Variants in DSCAM observed in about 807,000 individuals in gnomAD.
DSCAM encodes DS cell adhesion molecule.
In DSCAM, 47 loss-of-function variants were observed where a neutral mutation model predicts 217.7. The observed-to-expected ratio is 0.22, with a 90% confidence interval of 0.17 to 0.28. DSCAM has a LOEUF of 0.28. Ranked by LOEUF, DSCAM falls within the 10% of genes least tolerant of loss-of-function variation. The pLI is 1.00. For synonymous variants in DSCAM, 1,056 were observed against 1,015.3 expected, an observed-to-expected ratio of 1.04 and a Z score of -0.76; for missense variants, 2,080 against 2,618.3, an observed-to-expected ratio of 0.79 and a Z score of 4.49.
intron 1 of DSCAM, among the ~76,000 whole-genome samples, chr21:40,835,181 T>A (rs2092046832): frequency 6.6e-6 from 1 of 152,238 alleles, no homozygotes; most frequent in Admixed American, 6.5e-5. Flanking sequence ...CATTTACAAT[T>A]ACTCATGAGT....
intron 3 of DSCAM, among the ~76,000 whole-genome samples, chr21:40,412,126 G>A (rs2075328848): frequency 6.6e-6 from 1 of 152,148 alleles, no homozygotes; most frequent in African/African-American, 2.4e-5. Context: ...ATGATTTTGA[G>A]GCTCCCCCAG....
chr21:40,413,652 A>T (rs935996084), intron 3 of DSCAM, among the ~76,000 whole-genome samples: 1 of 152,246 alleles, frequency 6.6e-6, no homozygotes, highest in Non-Finnish European at 1.5e-5. Context: ...AGGATGACTG[A>T]AACAACTTTG....
intron 1 of DSCAM, among the ~76,000 whole-genome samples, chr21:40,768,801 G>C (rs1160079858): frequency 1.3e-5 from 2 of 152,204 alleles, no homozygotes; most frequent in African/African-American, 4.8e-5. Context: ...AAAGCCAGTA[G>C]TTACTGAGAA....
chr21:40,479,818 C>G, intron 3 of DSCAM, among the ~76,000 whole-genome samples: 1 of 151,908 alleles, frequency 6.6e-6, no homozygotes, highest in East Asian at 1.9e-4. Flanking sequence ...AATCTGTCAG[C>G]AGTAAAAATG....
chr21:40,185,113 T>C (rs2090879290), intron 14 of DSCAM, among the ~76,000 whole-genome samples: 1 of 152,126 alleles, frequency 6.6e-6, no homozygotes, highest in Non-Finnish European at 1.5e-5. Flanking sequence ...GGAGGTGAAA[T>C]GCATTAATCA....
chr21:40,679,493 A>G (rs7280860), intron 3 of DSCAM, among the ~76,000 whole-genome samples: 152,324 of 152,328 alleles, frequency 1, 76,160 homozygotes, highest in Middle Eastern at 1. Context: ...TGGGGCCGAC[A>G]AAAGCAATTA....
chr21:40,172,818 T>A (rs986141547), intron 15 of DSCAM, among the ~76,000 whole-genome samples: 8 of 152,160 alleles, frequency 5.3e-5, no homozygotes, highest in Non-Finnish European at 1.0e-4. Context: ...TATAAATTTT[T>A]AAAAAGTAGT....
At chr21:40,369,029 G>T in intron 4 of DSCAM, 70 bp downstream of exon 4, 1 of 1,426,064 alleles carries the variant, frequency 7.0e-7, no homozygotes, top group African/African-American at 1.4e-5. Context: ...CCACAATTTT[G>T]ATTGAGTCGT....
chr21:40,020,914 C>T (rs1047982456), intron 32 of DSCAM, among the ~76,000 whole-genome samples: 7 of 152,120 alleles, frequency 4.6e-5, no homozygotes, highest in Non-Finnish European at 7.3e-5. Flanking sequence ...AGGCCAATGC[C>T]CTTCCTGTCA....
intron 3 of DSCAM, among the ~76,000 whole-genome samples, chr21:40,508,763 ATATATATATATATATATATAT>A (rs1303739872): frequency 7.8e-4 from 3 of 3,822 alleles, no homozygotes; most frequent in Non-Finnish European, 1.5e-3. Flanking sequence ...ATATATATAT[ATATATATATATATATATATAT>A]TTTTTTTTTT....
chr21:40,467,024 T>C (rs2075850925), intron 3 of DSCAM, among the ~76,000 whole-genome samples: 1 of 152,224 alleles, frequency 6.6e-6, no homozygotes, highest in Non-Finnish European at 1.5e-5. Context: ...TTAAAATAAC[T>C]AGATCTTGAG....
chr21:40,613,412 A>C (rs1177449932), intron 3 of DSCAM, among the ~76,000 whole-genome samples: 1 of 152,160 alleles, frequency 6.6e-6, no homozygotes, highest in Admixed American at 6.5e-5. Context: ...TGATATTTTC[A>C]TTTGTGTTTA....
intron 11 of DSCAM, among the ~76,000 whole-genome samples, chr21:40,228,434 A>C (rs1377883296): frequency 6.6e-6 from 1 of 151,992 alleles, no homozygotes. Context: ...CTTATTTTAC[A>C]CTTATCACTT....
At chr21:40,774,188 T>G (rs1022822186) in intron 1 of DSCAM, among the ~76,000 whole-genome samples, 1 of 152,098 alleles carries the variant, frequency 6.6e-6, no homozygotes, top group Non-Finnish European at 1.5e-5. Flanking sequence ...AGACCAATCT[T>G]TTTTCTCTCT....
intron 9 of DSCAM, 124 bp from the exon 10 acceptor site, chr21:40,296,298 A>G: frequency 8.6e-7 from 1 of 1,160,072 alleles, no homozygotes; most frequent in Non-Finnish European, 1.2e-6. Flanking sequence ...TACACATGGG[A>G]CAATAAAAAC....
intron 3 of DSCAM, among the ~76,000 whole-genome samples, chr21:40,576,352 A>G (rs565307361): frequency 7.7e-4 from 118 of 152,358 alleles, no homozygotes; most frequent in Middle Eastern, 3.4e-3. Context: ...ATAACAGGTA[A>G]AACTAATTTG....
chr21:40,664,387 G>A (rs1461143309), intron 3 of DSCAM, among the ~76,000 whole-genome samples: 3 of 152,180 alleles, frequency 2.0e-5, no homozygotes, highest in Admixed American at 2.0e-4. Flanking sequence ...CAGAAATTGA[G>A]GAGGAAGTTC....
intron 3 of DSCAM, among the ~76,000 whole-genome samples, chr21:40,412,238 T>C (rs1022690418): frequency 1.3e-5 from 2 of 152,134 alleles, no homozygotes; most frequent in Non-Finnish European, 2.9e-5. Flanking sequence ...ATACCGTAAA[T>C]TGGTACAGTC....
intron 3 of DSCAM, among the ~76,000 whole-genome samples, chr21:40,524,077 C>T (rs2146094332): frequency 6.6e-6 from 1 of 152,256 alleles, no homozygotes; most frequent in Admixed American, 6.5e-5. Flanking sequence ...ATGCCAGTAG[C>T]TACCATTTAA....
Sources: gnomAD v4.1 joint callset for allele counts (sites outside exome capture counted in the v4.1 genomes callset) on GRCh38, gnomAD v4.1.1 for gene constraint, MANE v1.5 for transcripts, NCBI Gene and HGNC (gene_info 2026-07-23, HGNC 2026-07-21) for gene names.